The following CDKAL1 variants were observed in gnomAD, a reference collection of about 807,000 sequenced individuals.
CDKAL1 encodes threonylcarbamoyladenosine tRNA methylthiotransferase.
In CDKAL1, 32 loss-of-function variants were observed where a neutral mutation model predicts 68.2. The ratio of observed to expected loss-of-function variants is 0.47; its 90% CI spans 0.35 to 0.63. CDKAL1 has a LOEUF of 0.63. Among genes scored for constraint, CDKAL1 ranks in the 30% least tolerant of loss-of-function variants. The probability of loss-of-function intolerance (pLI) is 0.00; values close to 1 mark genes in which losing one functional copy is unlikely to be tolerated. For missense variants in CDKAL1, 606 were observed against 696.7 expected, an observed-to-expected ratio of 0.87 and a Z score of 1.47; for synonymous variants, 234 against 244.3, an observed-to-expected ratio of 0.96 and a Z score of 0.39.
intron 8 of CDKAL1, among the ~76,000 whole-genome samples, chr6:20,784,752 A>G (rs1002935491): frequency 1.3e-5 from 2 of 152,106 alleles, no homozygotes; most frequent in African/African-American, 2.4e-5. Flanking sequence ...GATTGGTTCA[A>G]TCTGTAGATA....
intron 8 of CDKAL1, among the ~76,000 whole-genome samples, chr6:20,802,309 C>CAATAATAAT (rs202052759): frequency 0.14 from 20,444 of 141,724 alleles, 1,619 homozygotes; most frequent in African/African-American, 0.2. Context: ...AAAACAACAA[C>CAATAATAAT]AACAACAATA....
At chr6:20,689,223 A>G (rs1277026870) in intron 5 of CDKAL1, among the ~76,000 whole-genome samples, 1 of 152,206 alleles carries the variant, frequency 6.6e-6, no homozygotes, top group Non-Finnish European at 1.5e-5. Flanking sequence ...GAACCAGGTC[A>G]AGCTCCTGGA....
At chr6:20,988,683 C>T (rs1029497941) in intron 10 of CDKAL1, among the ~76,000 whole-genome samples, 1 of 151,976 alleles carries the variant, frequency 6.6e-6, no homozygotes, top group Non-Finnish European at 1.5e-5. Flanking sequence ...CTGAGTATCG[C>T]TCTGTCGCCA....
chr6:20,957,995 A>T (rs906936530), intron 10 of CDKAL1, among the ~76,000 whole-genome samples: 3 of 150,050 alleles, frequency 2.0e-5, no homozygotes, highest in Admixed American at 2.0e-4. Flanking sequence ...AAAAAGGAAG[A>T]GCCTTCTTCA....
chr6:20,808,114 A>G (rs1776648950), intron 8 of CDKAL1, among the ~76,000 whole-genome samples: 1 of 152,248 alleles, frequency 6.6e-6, no homozygotes, highest in African/African-American at 2.4e-5. Context: ...TGAAATAAGT[A>G]AAATCTCTTC....
At chr6:20,714,523 A>T (rs912657797) in intron 5 of CDKAL1, among the ~76,000 whole-genome samples, 1 of 150,948 alleles carries the variant, frequency 6.6e-6, no homozygotes, top group East Asian at 1.9e-4. Flanking sequence ...CAAGTAGCTG[A>T]CACTACAGGT....
At chr6:20,714,085 A>C (rs561540422) in intron 5 of CDKAL1, among the ~76,000 whole-genome samples, 1 of 151,270 alleles carries the variant, frequency 6.6e-6, no homozygotes, top group African/African-American at 2.4e-5. Flanking sequence ...AAAAAGCAGG[A>C]TCTATCGACC....
At chr6:20,796,431 A>C (rs539165728) in intron 8 of CDKAL1, among the ~76,000 whole-genome samples, 5 of 152,354 alleles carry the variant, frequency 3.3e-5, no homozygotes, top group African/African-American at 1.2e-4. Context: ...ATAGATTTAA[A>C]GTAATTTGAA....
intron 13 of CDKAL1, among the ~76,000 whole-genome samples, chr6:21,147,084 G>T (rs1051944830): frequency 2.0e-5 from 3 of 152,094 alleles, no homozygotes; most frequent in South Asian, 4.1e-4. Flanking sequence ...TTGACTGGTG[G>T]GGGGGAAGTG....
chr6:20,779,766 G>A (rs1369572971), intron 7 of CDKAL1, among the ~76,000 whole-genome samples: 1 of 152,134 alleles, frequency 6.6e-6, no homozygotes, highest in African/African-American at 2.4e-5. Flanking sequence ...TGTATTTTTA[G>A]TAGAGATGAG....
At chr6:20,812,304 A>T (rs2150424417) in intron 8 of CDKAL1, among the ~76,000 whole-genome samples, 1 of 151,836 alleles carries the variant, frequency 6.6e-6, no homozygotes, top group Non-Finnish European at 1.5e-5. Context: ...CACTTGGGGG[A>T]TTTTCTTTAG....
At chr6:20,668,822 T>C (rs1769673303) in intron 5 of CDKAL1, among the ~76,000 whole-genome samples, 1 of 152,212 alleles carries the variant, frequency 6.6e-6, no homozygotes, top group Admixed American at 6.5e-5. Flanking sequence ...CTCATTTTTT[T>C]CTTCTTCTTT....
intron 5 of CDKAL1, among the ~76,000 whole-genome samples, chr6:20,656,131 A>T (rs1206771481): frequency 1.3e-5 from 2 of 152,184 alleles, no homozygotes; most frequent in African/African-American, 4.8e-5. Context: ...TAGAAGTGGG[A>T]TTTTAACCGA....
At chr6:21,034,399 C>T (rs1038034427) in intron 11 of CDKAL1, among the ~76,000 whole-genome samples, 1 of 152,094 alleles carries the variant, frequency 6.6e-6, no homozygotes, top group African/African-American at 2.4e-5. Context: ...TTTGTCTTAT[C>T]ACTGGAGAAT....
rs113801240 is a variant in CDKAL1 at position 20,950,018 on chromosome 6, G to A, written c.743-5401G>A. Reference sequence around the variant, plus strand: ...TTGGCCAGGCTGGTCTTGAACTCCTGACCTCAAGTGATCCACTTGTCTCAG... The same window carrying A: ...TTGGCCAGGCTGGTCTTGAACTCCTAACCTCAAGTGATCCACTTGTCTCAG... On this transcript the variant is annotated intron_variant, in intron 9 of 15. Transcript: ENST00000274695. Among the ~76,000 whole-genome samples, 630 of 152,154 alleles carry A rather than the reference G, an allele frequency of 4.1e-3. 5 individuals carry two copies. The highest frequency in any genetic ancestry group is 0.014 in the African/African-American group (600 of 41,506).
chr6:21,055,533 C>T (rs1280857412), intron 11 of CDKAL1, among the ~76,000 whole-genome samples: 1 of 152,106 alleles, frequency 6.6e-6, no homozygotes, highest in Non-Finnish European at 1.5e-5. Context: ...TACTCTTCCC[C>T]ACCTCAACAG....
intron 10 of CDKAL1, among the ~76,000 whole-genome samples, chr6:20,982,212 C>A (rs979540912): frequency 6.6e-6 from 1 of 151,988 alleles, no homozygotes; most frequent in Admixed American, 6.6e-5. Context: ...GGGTGCACCA[C>A]CACTCCTGGC....
At chr6:20,636,996 C>T (rs1008731691) in intron 4 of CDKAL1, among the ~76,000 whole-genome samples, 6 of 149,174 alleles carry the variant, frequency 4.0e-5, no homozygotes, top group Non-Finnish European at 7.4e-5. Context: ...GAAATCGCAC[C>T]ACTGCACTCC....
chr6:20,612,112 C>T (rs1457210818), intron 4 of CDKAL1, among the ~76,000 whole-genome samples: 1 of 152,128 alleles, frequency 6.6e-6, no homozygotes, highest in Non-Finnish European at 1.5e-5. Flanking sequence ...AATAGCATTC[C>T]ATTGTATATA....
Sources: allele counts gnomAD v4.1 joint callset (sites outside exome capture counted in the v4.1 genomes callset), GRCh38; gene constraint gnomAD v4.1.1; transcripts MANE v1.5; gene names NCBI Gene and HGNC (gene_info 2026-07-23, HGNC 2026-07-21).